The following UVRAG variants were observed in gnomAD, a reference collection of about 807,000 sequenced individuals.
UVRAG encodes the protein UV radiation resistance-associated gene protein.
UVRAG carries 19 observed loss-of-function variants against 78.0 expected under a neutral mutation model. That is an observed-to-expected ratio of 0.24 (90% CI 0.17 to 0.36). The LOEUF is 0.36. Ranked by LOEUF, UVRAG falls within the 10% of genes least tolerant of loss-of-function variation. UVRAG has a pLI of 1.00. For missense variants in UVRAG, 740 were observed against 853.8 expected, an observed-to-expected ratio of 0.87 and a Z score of 1.66; for synonymous variants, 323 against 324.6, an observed-to-expected ratio of 1.00 and a Z score of 0.05.
Position 75,897,871 on chromosome 11 carries a change from A to ATTTTTTT in UVRAG, c.507+8980_507+8986dup, listed in dbSNP as rs146122619. On this transcript the variant is annotated intron_variant, in intron 5 of 14. Transcript: ENST00000356136. Reference sequence around the variant, plus strand: ...ATATACTTACCTTCATAGCTCTTTAATTTTTTTTTTTTTTTTTTGGACAAG... The same window carrying ATTTTTTT: ...ATATACTTACCTTCATAGCTCTTTAATTTTTTTTTTTTTTTTTTTTTTTTTGGACAAG... Among the ~76,000 whole-genome samples, 49 of 108,886 alleles carry ATTTTTTT rather than the reference A, an allele frequency of 4.5e-4. 3 individuals carry two copies. Among genetic ancestry groups the ATTTTTTT allele is most frequent in the African/African-American group, 1.9e-3 (46 of 24,738 alleles). 71.4% of individuals were successfully genotyped at this position (108,886 alleles called of 152,430 possible). A position where few individuals can be genotyped will look rare whatever the true frequency, so the allele number is the denominator to read the frequency against.
At chr11:76,003,480 C>CA (rs1464928798) in intron 8 of UVRAG, among the ~76,000 whole-genome samples, 1 of 151,762 alleles carries the variant, frequency 6.6e-6, no homozygotes, top group East Asian at 1.9e-4. Flanking sequence ...CTTGGCCTCC[C>CA]AAAGTGCTGG....
chr11:76,050,362 AGTTCTC>A (rs1950840520), intron 12 of UVRAG, among the ~76,000 whole-genome samples: 1 of 152,226 alleles, frequency 6.6e-6, no homozygotes, highest in African/African-American at 2.4e-5. Flanking sequence ...TATGTTACTT[AGTTCTC>A]CTTCAGTATT....
intron 6 of UVRAG, among the ~76,000 whole-genome samples, chr11:75,930,173 G>A (rs1312236115): frequency 6.6e-6 from 1 of 152,114 alleles, no homozygotes; most frequent in African/African-American, 2.4e-5. Context: ...TTGAGGCTCA[G>A]GAAAGTTTAA....
chr11:76,085,429 T>C (rs145350873), intron 13 of UVRAG, among the ~76,000 whole-genome samples: 1 of 152,314 alleles, frequency 6.6e-6, no homozygotes, highest in East Asian at 1.9e-4. Context: ...ATAGAGCTTG[T>C]TGTCAGTCTG....
chr11:75,988,180 G>C (rs1035665358), intron 8 of UVRAG, among the ~76,000 whole-genome samples: 19 of 152,126 alleles, frequency 1.2e-4, no homozygotes, highest in African/African-American at 4.3e-4. Flanking sequence ...AGTTTGATGA[G>C]TTTAGCTAAT....
intron 13 of UVRAG, among the ~76,000 whole-genome samples, chr11:76,093,318 T>C (rs1951736749): frequency 1.3e-5 from 2 of 152,220 alleles, no homozygotes; most frequent in Non-Finnish European, 2.9e-5. Context: ...TTCTTTTCGC[T>C]CAGGATTGTC....
intron 8 of UVRAG, among the ~76,000 whole-genome samples, chr11:76,000,086 A>AGG (rs1949782255): frequency 6.6e-6 from 1 of 152,204 alleles, no homozygotes. Context: ...AAAAATACTC[A>AGG]ATCCAATAGC....
At chr11:75,988,431 A>C (rs1380287796) in intron 8 of UVRAG, among the ~76,000 whole-genome samples, 1 of 152,202 alleles carries the variant, frequency 6.6e-6, no homozygotes, top group Non-Finnish European at 1.5e-5. Context: ...ATGTGGTTGT[A>C]TGTGTCAGGA....
chr11:76,101,195 C>G (rs1207079906), intron 13 of UVRAG, among the ~76,000 whole-genome samples: 1 of 152,082 alleles, frequency 6.6e-6, no homozygotes, highest in Non-Finnish European at 1.5e-5. Context: ...AATGGTTGAA[C>G]TAATTTACAC....
intron 1 of UVRAG, among the ~76,000 whole-genome samples, chr11:75,831,323 C>G (rs1945649294): frequency 6.6e-6 from 1 of 152,026 alleles, no homozygotes; most frequent in Admixed American, 6.6e-5. Flanking sequence ...CCAGTCTCTA[C>G]TAAAAATACA....
intron 13 of UVRAG, among the ~76,000 whole-genome samples, chr11:76,077,489 C>T (rs149391350): frequency 1.9e-3 from 283 of 152,232 alleles, no homozygotes; most frequent in African/African-American, 6.6e-3. Flanking sequence ...ACTGAAACTA[C>T]AAATACAGTG....
chr11:75,955,235 A>G (rs888291616), intron 6 of UVRAG, among the ~76,000 whole-genome samples: 2 of 152,148 alleles, frequency 1.3e-5, no homozygotes, highest in African/African-American at 4.8e-5. Context: ...AACAGGATGG[A>G]GTATAATCTC....
At chr11:76,067,944 T>C (rs77911271) in intron 13 of UVRAG, among the ~76,000 whole-genome samples, 2,012 of 152,202 alleles carry the variant, frequency 0.013, 31 homozygotes, top group African/African-American at 0.039. Flanking sequence ...TCTTGCCCTA[T>C]TTTCTCTTTC....
At chr11:75,932,265 CTTTATTTATTTATTTA>C (rs71272238) in intron 6 of UVRAG, among the ~76,000 whole-genome samples, 221 of 149,670 alleles carry the variant, frequency 1.5e-3, no homozygotes, top group Admixed American at 4.0e-3. Flanking sequence ...ATTATATGAT[CTTTATTTATTTATTTA>C]TTTATTTATT....
chr11:76,012,797 TTGTGTGTGTGTGTGTGTGTGTGTGTG>T (rs56838372), intron 11 of UVRAG: 17 of 125,554 alleles, frequency 1.4e-4, no homozygotes, highest in East Asian at 6.7e-4. Flanking sequence ...AAAAAAATGT[TTGTGTGTGTGTGTGTGTGTGTGTGTG>T]TGTGTGTGTG....
At chr11:75,816,373 G>T (rs1468288897) in intron 1 of UVRAG, among the ~76,000 whole-genome samples, 5 of 152,146 alleles carry the variant, frequency 3.3e-5, no homozygotes, top group Admixed American at 6.5e-5. Context: ...TGTCCCCCAA[G>T]GGGAGATTTT....
At chr11:75,824,881 G>C (rs1252174475) in intron 1 of UVRAG, among the ~76,000 whole-genome samples, 1 of 151,998 alleles carries the variant, frequency 6.6e-6, no homozygotes, top group Non-Finnish European at 1.5e-5. Context: ...CACCGTGTTA[G>C]CCAGGATGGT....
chr11:75,876,895 G>A (rs1205790685), intron 3 of UVRAG, among the ~76,000 whole-genome samples: 1 of 150,992 alleles, frequency 6.6e-6, no homozygotes, highest in East Asian at 1.9e-4. Context: ...GTTTCTCACA[G>A]AGGGGGATTT....
intron 6 of UVRAG, among the ~76,000 whole-genome samples, chr11:75,927,496 A>G (rs1051173068): frequency 6.6e-6 from 1 of 152,244 alleles, no homozygotes; most frequent in Non-Finnish European, 1.5e-5. Context: ...AAAAGAAAGA[A>G]AAAGTCCTAT....
Sources: allele counts gnomAD v4.1 joint callset (sites outside exome capture counted in the v4.1 genomes callset), GRCh38; gene constraint gnomAD v4.1.1; transcripts MANE v1.5; gene names NCBI Gene and HGNC (gene_info 2026-07-23, HGNC 2026-07-21).